PYHIN1: variants seen among roughly 807,000 people sequenced by gnomAD.
PYHIN1 encodes pyrin and HIN domain-containing protein 1.
A neutral mutation model predicts 43.7 loss-of-function variants in PYHIN1; 32 were observed. The ratio of observed to expected loss-of-function variants is 0.73; its 90% CI spans 0.55 to 0.98. PYHIN1 has a LOEUF of 0.98. Among genes scored for constraint, PYHIN1 ranks in the 50% least tolerant of loss-of-function variants. The pLI is 0.00. For synonymous variants in PYHIN1, 205 were observed against 203.1 expected (o/e 1.01, Z -0.08); for missense variants, 588 against 589.5 (o/e 1.00, Z 0.03).
intron 4 of PYHIN1, 101 bp from the exon 5 acceptor site, chr1:158,941,876 A>C: frequency 7.1e-6 from 8 of 1,129,772 alleles, no homozygotes; most frequent in Non-Finnish European, 9.8e-6. Context: ...CACATCTACA[A>C]CTTTTGGGGG....
chr1:158,987,459 T>C, the PYHIN1 span, among the ~76,000 whole-genome samples: 2 of 152,204 alleles, frequency 1.3e-5, no homozygotes, highest in African/African-American at 4.8e-5. Context: ...ATTGAATATA[T>C]GATTTGCAAA....
chr1:158,942,465 G>A (rs1648980795), intron 5 of PYHIN1, 66 bp downstream of exon 5: 21 of 1,305,854 alleles, frequency 1.6e-5, no homozygotes, highest in Non-Finnish European at 2.0e-5. Flanking sequence ...GCCCTGATGT[G>A]CTAAATGGAA....
chr1:158,943,530 G>A lies in PYHIN1; in HGVS notation c.1003-260G>A, dbSNP rs192164541. 9.3e-4 allele frequency among the ~76,000 whole-genome samples: 142 copies of A among 152,272 alleles called. 1 individual carries two copies. Among genetic ancestry groups the A allele is most frequent in the African/African-American group, 3.0e-3 (123 of 41,558 alleles). ...TTTGGGAAGCATAGCAGTCTTGGAG[G>A]TGAAAGAAGTTGAAAATGGGAAGAT... On this transcript the variant is annotated intron_variant, in intron 5 of 8. Coordinates refer to ENST00000368140, the MANE Select transcript of PYHIN1 (RefSeq NM_152501.5).
At chr1:158,938,618 C>T in intron 3 of PYHIN1, 76 bp downstream of exon 3, 1 of 1,441,068 alleles carries the variant, frequency 6.9e-7, no homozygotes, top group Non-Finnish European at 9.4e-7. Context: ...TCAATCTGTC[C>T]AGCAGGCAGT....
chr1:158,938,490 C>G lies in PYHIN1; in HGVS notation c.359C>G (p.Thr120Ser), dbSNP rs1257539268. ...KEVYPATPAC[T>S]PSNRLTAKGA... is the part of the protein sequence containing the mutation. ...GTGTATCCTGCTACACCTGCATGCACCCCAAGCAACCGTCTCACAGCTAAA... is the reference window on the plus strand; with the variant it reads ...GTGTATCCTGCTACACCTGCATGCAGCCCAAGCAACCGTCTCACAGCTAAA... Residue 120 changes from threonine to serine, a missense_variant, in exon 3 of 9, where the codon ACC becomes AGC. Transcript: ENST00000368140. The G allele has an allele frequency of 2.5e-6, 4 of 1,614,220 alleles. No homozygotes were observed. The highest frequency in any genetic ancestry group is 3.4e-6 in the Non-Finnish European group (4 of 1,180,028).
intron 7 of PYHIN1, among the ~76,000 whole-genome samples, chr1:158,952,497 T>C (rs856090): frequency 0.81 from 122,690 of 152,076 alleles, 50,946 homozygotes; most frequent in East Asian, 0.99. Flanking sequence ...TATCCCATTT[T>C]TTTTCCCATC....
At chr1:158,984,971 G>A in the PYHIN1 span, among the ~76,000 whole-genome samples, 2 of 151,766 alleles carry the variant, frequency 1.3e-5, no homozygotes, top group African/African-American at 2.4e-5. Flanking sequence ...AAATAAAAGA[G>A]CAACCCCTGC....
intron 7 of PYHIN1, among the ~76,000 whole-genome samples, chr1:158,957,736 A>G (rs1247284981): frequency 8.3e-5 from 12 of 145,366 alleles, no homozygotes; most frequent in African/African-American, 3.1e-4. Context: ...AATGGCAACA[A>G]AAGACAAAAT....
chr1:158,938,172 T>C (rs555745338), intron 2 of PYHIN1, among the ~76,000 whole-genome samples: 24 of 152,340 alleles, frequency 1.6e-4, no homozygotes, highest in African/African-American at 5.3e-4. Flanking sequence ...ATGTTCTCAC[T>C]GCACAGGGGA....
chr1:158,955,933 C>G (rs1432905417), intron 7 of PYHIN1, among the ~76,000 whole-genome samples: 1 of 116,622 alleles, frequency 8.6e-6, no homozygotes, highest in Non-Finnish European at 1.9e-5. Context: ...CACCACCGAT[C>G]CCACAGAAAT....
chr1:158,978,002 C>T (rs1469113723), downstream of PYHIN1, among the ~76,000 whole-genome samples: 2 of 152,096 alleles, frequency 1.3e-5, no homozygotes, highest in Non-Finnish European at 2.9e-5. Flanking sequence ...ATCTTCTGTA[C>T]TCATCAGAGA....
At chr1:158,965,270 A>G (rs1402427540) in intron 7 of PYHIN1, among the ~76,000 whole-genome samples, 1 of 152,230 alleles carries the variant, frequency 6.6e-6, no homozygotes, top group African/African-American at 2.4e-5. Context: ...AAAGAGACTT[A>G]GAGTCACATA....
At chr1:158,988,483 T>C in the PYHIN1 span, among the ~76,000 whole-genome samples, 1 of 152,146 alleles carries the variant, frequency 6.6e-6, no homozygotes, top group Admixed American at 6.5e-5. Flanking sequence ...AAACATGTCA[T>C]CATCAACATC....
chr1:158,965,629 T>C (rs1650588179), intron 7 of PYHIN1, among the ~76,000 whole-genome samples: 1 of 152,108 alleles, frequency 6.6e-6, no homozygotes, highest in East Asian at 1.9e-4. Flanking sequence ...TAAACAGCCT[T>C]CTCCTGAATG....
At chr1:158,985,333 A>G in the PYHIN1 span, among the ~76,000 whole-genome samples, 1 of 152,158 alleles carries the variant, frequency 6.6e-6, no homozygotes, top group African/African-American at 2.4e-5. Context: ...AGGACCTCTT[A>G]TAAGGCAGGC....
the PYHIN1 span, among the ~76,000 whole-genome samples, chr1:158,986,083 G>T: frequency 5.3e-5 from 8 of 152,052 alleles, no homozygotes; most frequent in African/African-American, 1.9e-4. Flanking sequence ...AGATTCCTTT[G>T]ATTGGGTTTC....
Position 158,955,134 on chromosome 1 carries a change from C to A in PYHIN1, c.1359+10092C>A, listed in dbSNP as rs966649789. On this transcript the variant is annotated intron_variant, in intron 7 of 8. Transcript: ENST00000368140. ...TGAGTGACCTACAAAGAGACTTAGA[C>A]TCCCACACATTAAAAATGGGAGACT... Among the ~76,000 whole-genome samples, 62 of 151,924 alleles carry A rather than the reference C, an allele frequency of 4.1e-4. 1 individual carries two copies. The highest frequency in any genetic ancestry group is 1.0e-4 in the Non-Finnish European group (7 of 68,028).
At chr1:158,966,796 T>C (rs915798815) in intron 7 of PYHIN1, among the ~76,000 whole-genome samples, 26 of 152,000 alleles carry the variant, frequency 1.7e-4, no homozygotes, top group Non-Finnish European at 1.5e-5. Context: ...CCTTGAAAAC[T>C]GGAACAAGAC....
intron 6 of PYHIN1, among the ~76,000 whole-genome samples, chr1:158,944,429 A>G (rs1649108983): frequency 1.3e-5 from 2 of 152,218 alleles, no homozygotes; most frequent in South Asian, 4.1e-4. Context: ...ACCAGTATGC[A>G]CTAGATACTA....
Sources: allele counts gnomAD v4.1 joint callset (sites outside exome capture counted in the v4.1 genomes callset), GRCh38; gene constraint gnomAD v4.1.1; transcripts MANE v1.5; gene names NCBI Gene and HGNC (gene_info 2026-07-23, HGNC 2026-07-21).